AGBL4: variants seen among roughly 807,000 people sequenced by gnomAD.
AGBL4 encodes the protein cytosolic carboxypeptidase 6.
Under a neutral mutation model 66.4 loss-of-function variants are expected in AGBL4, and 58 were observed. The ratio of observed to expected loss-of-function variants is 0.87; its 90% CI spans 0.71 to 1.09. AGBL4 has a LOEUF of 1.09. AGBL4 is among the 50% of genes least tolerant of loss of function. The pLI is 0.00. For missense variants in AGBL4, 579 were observed against 631.0 expected (o/e 0.92, Z 0.88); for synonymous variants, 234 against 222.9 (o/e 1.05, Z -0.44).
chr1:49,745,968 A>T (rs1650954788), intron 2 of AGBL4, among the ~76,000 whole-genome samples: 1 of 152,038 alleles, frequency 6.6e-6, no homozygotes, highest in African/African-American at 2.4e-5. Context: ...TCCAGGACAG[A>T]CCAGAAATTA....
At chr1:48,921,746 A>G (rs1315230158) in intron 5 of AGBL4, among the ~76,000 whole-genome samples, 1 of 152,196 alleles carries the variant, frequency 6.6e-6, no homozygotes, top group Non-Finnish European at 1.5e-5. Context: ...TAACTTTCCC[A>G]TGTCGTGCAG....
chr1:48,745,961 A>G (rs1650677212), intron 6 of AGBL4, among the ~76,000 whole-genome samples: 1 of 152,038 alleles, frequency 6.6e-6, no homozygotes, highest in Admixed American at 6.5e-5. Flanking sequence ...GTGCCTTTTT[A>G]TGTCAGAAAG....
At chr1:48,713,318 G>A (rs1646996490) in intron 6 of AGBL4, among the ~76,000 whole-genome samples, 1 of 152,128 alleles carries the variant, frequency 6.6e-6, no homozygotes, top group Non-Finnish European at 1.5e-5. Context: ...AGAGAGAGAT[G>A]GGGAGGGTGG....
At chr1:49,945,537 G>A (rs1230157526) in intron 1 of AGBL4, among the ~76,000 whole-genome samples, 3 of 152,000 alleles carry the variant, frequency 2.0e-5, no homozygotes, top group African/African-American at 7.2e-5. Context: ...CCACTACTAA[G>A]CCAGCACTAC....
chr1:48,783,192 C>T (rs906688134), intron 6 of AGBL4, among the ~76,000 whole-genome samples: 2 of 152,118 alleles, frequency 1.3e-5, no homozygotes, highest in Non-Finnish European at 2.9e-5. Flanking sequence ...AAGGAAGGAA[C>T]GTTGATACAT....
intron 3 of AGBL4, among the ~76,000 whole-genome samples, chr1:49,378,710 G>T (rs993953268): frequency 2.0e-5 from 3 of 152,088 alleles, no homozygotes; most frequent in Admixed American, 1.3e-4. Context: ...AGAAAGGAAG[G>T]CTTCTGTAGG....
intron 1 of AGBL4, among the ~76,000 whole-genome samples, chr1:49,998,649 G>A (rs868140206): frequency 6.6e-6 from 1 of 151,770 alleles, no homozygotes; most frequent in Non-Finnish European, 1.5e-5. Context: ...ACTACAGAAC[G>A]ACATCCCTGA....
At chr1:49,926,997 T>C (rs1033614322) in intron 1 of AGBL4, among the ~76,000 whole-genome samples, 1 of 152,182 alleles carries the variant, frequency 6.6e-6, no homozygotes, top group Non-Finnish European at 1.5e-5. Context: ...TAGAGTTTGA[T>C]GTTCAAGTGC....
chr1:49,148,639 G>A (rs1646266529), intron 4 of AGBL4, among the ~76,000 whole-genome samples: 2 of 152,122 alleles, frequency 1.3e-5, no homozygotes, highest in Non-Finnish European at 1.5e-5. Flanking sequence ...GGTTCCTCTG[G>A]GTCCTGGTCA....
intron 2 of AGBL4, chr1:49,845,375 G>A: frequency 7.2e-7 from 1 of 1,395,054 alleles, no homozygotes; most frequent in Non-Finnish European, 1.0e-6. Flanking sequence ...TCCTCCTTTA[G>A]CCAACACAAG....
At chr1:48,774,333 G>T (rs1294631615) in intron 6 of AGBL4, among the ~76,000 whole-genome samples, 1 of 152,160 alleles carries the variant, frequency 6.6e-6, no homozygotes, top group Non-Finnish European at 1.5e-5. Context: ...TCAGGAAGGG[G>T]TTTGAAGATA....
intron 6 of AGBL4, among the ~76,000 whole-genome samples, chr1:48,765,054 C>CA (rs1201136811): frequency 3.9e-5 from 6 of 152,228 alleles, no homozygotes; most frequent in African/African-American, 1.2e-4. Flanking sequence ...ATGTGCTAGA[C>CA]AAACTCTGCT....
intron 3 of AGBL4, among the ~76,000 whole-genome samples, chr1:49,461,971 T>C (rs577756016): frequency 6.6e-6 from 1 of 151,956 alleles, no homozygotes; most frequent in East Asian, 2.0e-4. Flanking sequence ...TTATAATACT[T>C]TGGGTATATA....
At chr1:49,728,981 T>G (rs997004996) in intron 2 of AGBL4, among the ~76,000 whole-genome samples, 3 of 152,186 alleles carry the variant, frequency 2.0e-5, no homozygotes, top group African/African-American at 7.2e-5. Context: ...GCCTCCATAT[T>G]GTATGTTCAC....
chr1:49,010,688 A>G (rs1662326367), intron 5 of AGBL4, among the ~76,000 whole-genome samples: 1 of 147,356 alleles, frequency 6.8e-6, no homozygotes, highest in Admixed American at 6.8e-5. Context: ...AGAGATATAG[A>G]TCAATGGAAC....
chr1:49,105,037 G>A (rs1249334424), intron 4 of AGBL4, among the ~76,000 whole-genome samples: 1 of 152,086 alleles, frequency 6.6e-6, no homozygotes, highest in Non-Finnish European at 1.5e-5. Flanking sequence ...TTGCTGATAT[G>A]CATTTGTTAT....
chr1:48,572,486 G>C (rs1011475373), intron 11 of AGBL4, among the ~76,000 whole-genome samples: 13 of 151,942 alleles, frequency 8.6e-5, no homozygotes, highest in African/African-American at 3.1e-4. Context: ...ATAAAAAGTG[G>C]AGAAGGTAAG....
At chr1:49,108,278 C>G (rs1268454431) in intron 4 of AGBL4, among the ~76,000 whole-genome samples, 2 of 152,104 alleles carry the variant, frequency 1.3e-5, no homozygotes, top group Non-Finnish European at 2.9e-5. Flanking sequence ...TATGTGTTAG[C>G]CACTATTCTA....
At chr1:48,730,524 T>C (rs1189710756) in intron 6 of AGBL4, among the ~76,000 whole-genome samples, 6 of 150,970 alleles carry the variant, frequency 4.0e-5, no homozygotes, top group Non-Finnish European at 3.0e-5. Flanking sequence ...GGCAGGAGAG[T>C]GGGTGTGGTG....
Sources: allele counts gnomAD v4.1 joint callset (sites outside exome capture counted in the v4.1 genomes callset), GRCh38; gene constraint gnomAD v4.1.1; transcripts MANE v1.5; gene names NCBI Gene and HGNC (gene_info 2026-07-23, HGNC 2026-07-21).